The following SNX29 variants were observed in gnomAD, a reference collection of about 807,000 sequenced individuals.
SNX29 encodes sorting nexin-29.
A neutral mutation model predicts 102.1 loss-of-function variants in SNX29; 78 were observed. That is an observed-to-expected ratio of 0.76 (90% CI 0.64 to 0.92). The LOEUF (loss-of-function observed/expected upper bound fraction) is 0.92, where lower values mean the gene tolerates loss of function less well. Ranked by LOEUF, SNX29 falls within the 40% of genes least tolerant of loss-of-function variation. The probability of loss-of-function intolerance (pLI) is 0.00; values close to 1 mark genes in which losing one functional copy is unlikely to be tolerated. For missense variants in SNX29, 1,280 were observed against 1,061.7 expected (o/e 1.21, Z -2.86); for synonymous variants, 580 against 414.5 (o/e 1.40, Z -4.85).
At chr16:12,411,799 G>T (rs1490125005) in intron 18 of SNX29, among the ~76,000 whole-genome samples, 1 of 152,200 alleles carries the variant, frequency 6.6e-6, no homozygotes, top group Non-Finnish European at 1.5e-5. Flanking sequence ...CAGCATGGAT[G>T]TGACCGTGTG....
chr16:12,503,596 A>T (rs2089229111), intron 19 of SNX29, among the ~76,000 whole-genome samples: 1 of 152,224 alleles, frequency 6.6e-6, no homozygotes, highest in African/African-American at 2.4e-5. Context: ...TCTGTGATTG[A>T]AAAGAGCAGA....
intron 19 of SNX29, among the ~76,000 whole-genome samples, chr16:12,496,924 G>C (rs942946237): frequency 6.6e-6 from 1 of 152,128 alleles, no homozygotes; most frequent in African/African-American, 2.4e-5. Flanking sequence ...CATGGGTAAT[G>C]GACAGGTTCA....
chr16:12,001,362 C>G (rs962226785), intron 2 of SNX29, among the ~76,000 whole-genome samples: 4 of 152,178 alleles, frequency 2.6e-5, no homozygotes, highest in Non-Finnish European at 5.9e-5. Flanking sequence ...ATCCGCCCAA[C>G]TCGGCCGTCC....
Position 12,390,128 on chromosome 16 carries a change from AC to A in SNX29, c.1900-8314del, listed in dbSNP as rs1375276337. On this transcript the variant is annotated intron_variant, in intron 16 of 20. Transcript: ENST00000566228. Reference sequence around the variant, plus strand: ...AGGATGGCAGAGAGTTTGGCATGTTACCCCGTGCGTGCAATTGAGGGGTGTG... The same window carrying A: ...AGGATGGCAGAGAGTTTGGCATGTTACCCGTGCGTGCAATTGAGGGGTGTG... Among the ~76,000 whole-genome samples the A allele has an allele frequency of 2.7e-5, 4 of 149,590 alleles. No homozygotes were observed. In the East Asian group the frequency reaches 5.9e-4, roughly 22 times the overall value.
intron 20 of SNX29, among the ~76,000 whole-genome samples, chr16:12,529,997 T>G (rs61179416): frequency 0.017 from 2,577 of 152,200 alleles, 77 homozygotes; most frequent in African/African-American, 0.059. Context: ...GCATATTGGT[T>G]AGGTGTGTGT....
intron 20 of SNX29, among the ~76,000 whole-genome samples, chr16:12,533,455 C>T (rs78461526): frequency 0.014 from 2,169 of 152,270 alleles, 52 homozygotes; most frequent in African/African-American, 0.05. Flanking sequence ...AATGTTGCAC[C>T]TCCCCACCCC....
intron 20 of SNX29, among the ~76,000 whole-genome samples, chr16:12,565,012 G>A (rs2078936253): frequency 1.3e-5 from 2 of 151,964 alleles, no homozygotes; most frequent in South Asian, 2.1e-4. Flanking sequence ...CTCTACTGTT[G>A]GACGCCAGTC....
chr16:12,539,211 CCGT>C (rs1387198798), intron 20 of SNX29, among the ~76,000 whole-genome samples: 1 of 152,208 alleles, frequency 6.6e-6, no homozygotes, highest in Non-Finnish European at 1.5e-5. Context: ...ACCACCATCA[CCGT>C]CAAGATATAG....
At chr16:12,040,273 G>T (rs1389538215) in intron 4 of SNX29, among the ~76,000 whole-genome samples, 1 of 152,148 alleles carries the variant, frequency 6.6e-6, no homozygotes, top group Non-Finnish European at 1.5e-5. Context: ...AGCTACTCGG[G>T]AGGCTGAGAC....
At chr16:12,375,006 C>G (rs571718196) in intron 16 of SNX29, 3 of 152,136 alleles carry the variant, frequency 2.0e-5, no homozygotes, top group Non-Finnish European at 4.4e-5. Context: ...CACTTGAGCC[C>G]AGGAGCTCCA....
intron 20 of SNX29, among the ~76,000 whole-genome samples, chr16:12,565,321 T>G (rs1302341194): frequency 1.3e-5 from 2 of 152,186 alleles, no homozygotes; most frequent in African/African-American, 2.4e-5. Flanking sequence ...TCCACTGTGC[T>G]CAGCAGTCTG....
At chr16:12,093,034 G>C (rs1163894367) in intron 11 of SNX29, among the ~76,000 whole-genome samples, 3 of 152,310 alleles carry the variant, frequency 2.0e-5, no homozygotes, top group African/African-American at 7.2e-5. Context: ...CCTGTGGACT[G>C]TTTTGCTGAG....
At chr16:12,369,122 T>C (rs2082590712) in intron 16 of SNX29, among the ~76,000 whole-genome samples, 1 of 152,046 alleles carries the variant, frequency 6.6e-6, no homozygotes, top group Non-Finnish European at 1.5e-5. Flanking sequence ...GGTATGCATG[T>C]TATTAGCATG....
chr16:12,468,423 C>T (rs931413603), intron 18 of SNX29, among the ~76,000 whole-genome samples: 1 of 152,044 alleles, frequency 6.6e-6, no homozygotes, highest in Admixed American at 6.5e-5. Context: ...GATCTGCCTG[C>T]CTTAGCCTGG....
chr16:12,257,751 C>T (rs1360468811), intron 14 of SNX29, among the ~76,000 whole-genome samples: 1 of 150,346 alleles, frequency 6.7e-6, no homozygotes, highest in African/African-American at 2.5e-5. Context: ...TGGTCTCGAA[C>T]TCCTGATCTC....
chr16:12,162,085 C>T (rs1261490217), intron 13 of SNX29, among the ~76,000 whole-genome samples: 1 of 152,168 alleles, frequency 6.6e-6, no homozygotes, highest in Non-Finnish European at 1.5e-5. Flanking sequence ...TTGATGGTGC[C>T]ATGTACTTAC....
intron 14 of SNX29, among the ~76,000 whole-genome samples, chr16:12,218,072 A>C (rs973882574): frequency 6.6e-6 from 1 of 150,718 alleles, no homozygotes; most frequent in African/African-American, 2.4e-5. Flanking sequence ...TGAATTATGG[A>C]AGGCTCTATT....
Position 12,571,254 on chromosome 16 carries a change from C to T in SNX29, c.*2625C>T, listed in dbSNP as rs962589515. 6.0e-5 allele frequency: 14 copies of T among 232,026 alleles called. No homozygotes were observed. The highest frequency in any genetic ancestry group is 1.0e-4 in the Non-Finnish European group (12 of 117,394). 14.4% of individuals were successfully genotyped at this position (232,026 alleles called of 1,614,324 possible). On this transcript the variant is annotated 3_prime_UTR_variant, in exon 21 of 21. Transcript: ENST00000566228. ...GAGTTATGGAGCAGAAACACCCAGG[C>T]CTAGCAGAATTGTGGCTGAAACCTG...
intron 20 of SNX29, among the ~76,000 whole-genome samples, chr16:12,552,387 A>C (rs2078035966): frequency 6.6e-6 from 1 of 152,216 alleles, no homozygotes; most frequent in African/African-American, 2.4e-5. Flanking sequence ...CAAGCATGGT[A>C]CCTGGCGCAG....
Sources: gnomAD v4.1 joint callset for allele counts (sites outside exome capture counted in the v4.1 genomes callset) on GRCh38, gnomAD v4.1.1 for gene constraint, MANE v1.5 for transcripts, NCBI Gene and HGNC (gene_info 2026-07-23, HGNC 2026-07-21) for gene names.